The following PTPN14 variants were observed in gnomAD, a reference collection of about 807,000 sequenced individuals.
PTPN14 encodes tyrosine-protein phosphatase non-receptor type 14.
PTPN14 carries 53 observed loss-of-function variants against 126.8 expected under a neutral mutation model. The observed-to-expected ratio is 0.42, with a 90% CI of 0.34 to 0.53. The LOEUF (loss-of-function observed/expected upper bound fraction) is 0.53. Ranked by LOEUF, PTPN14 falls within the 20% of genes least tolerant of loss-of-function variation. The pLI is 0.08. For missense variants in PTPN14, 1,257 were observed against 1,552.9 expected (o/e 0.81, Z 3.20); for synonymous variants, 630 against 599.3 (o/e 1.05, Z -0.75).
At chr1:214,404,167 A>T (rs1170607329) in intron 5 of PTPN14, among the ~76,000 whole-genome samples, 1 of 152,232 alleles carries the variant, frequency 6.6e-6, no homozygotes, top group African/African-American at 2.4e-5. Flanking sequence ...TCCCATCTCA[A>T]ATCATTAAAA....
At chr1:214,391,406 T>C (rs1222779025) in intron 10 of PTPN14, among the ~76,000 whole-genome samples, 1 of 152,106 alleles carries the variant, frequency 6.6e-6, no homozygotes, top group Non-Finnish European at 1.5e-5. Flanking sequence ...GTAAAATCTT[T>C]CACAGTTTTT....
chr1:214,379,391 C>T (rs1658421573), intron 13 of PTPN14, among the ~76,000 whole-genome samples: 1 of 152,188 alleles, frequency 6.6e-6, no homozygotes, highest in African/African-American at 2.4e-5. Context: ...GACGCCCTTC[C>T]ATGTGTCTCC....
At chr1:214,375,173 A>G (rs1192341503) in intron 15 of PTPN14, among the ~76,000 whole-genome samples, 1 of 152,226 alleles carries the variant, frequency 6.6e-6, no homozygotes. Context: ...TAAAAATAGT[A>G]TATACCCAAC....
chr1:214,456,892 C>T (rs763559169), intron 2 of PTPN14, among the ~76,000 whole-genome samples: 1 of 152,128 alleles, frequency 6.6e-6, no homozygotes, highest in South Asian at 2.1e-4. Flanking sequence ...ACTCTTCAGT[C>T]GATTCTTAAT....
At chr1:214,498,536 C>A (rs1045823969) in intron 1 of PTPN14, among the ~76,000 whole-genome samples, 1 of 152,010 alleles carries the variant, frequency 6.6e-6, no homozygotes, top group Non-Finnish European at 1.5e-5. Flanking sequence ...CTTACCTAGC[C>A]TCCAAAAAGA....
At chr1:214,433,952 A>ACACACACACACACACACAC (rs1491336637) in intron 3 of PTPN14, among the ~76,000 whole-genome samples, 1 of 9,160 alleles carries the variant, frequency 1.1e-4, no homozygotes, top group Non-Finnish European at 2.6e-4. Context: ...ACACACACAC[A>ACACACACACACACACACAC]AAAAAAAAAA....
intron 1 of PTPN14, chr1:214,482,870 G>T (rs1661025259): frequency 6.9e-6 from 11 of 1,595,436 alleles, no homozygotes; most frequent in Non-Finnish European, 9.4e-6. Flanking sequence ...TATTTCTTGG[G>T]ATCTCAGGAA....
At chr1:214,536,938 G>A (rs77038240) in intron 1 of PTPN14, among the ~76,000 whole-genome samples, 8,923 of 152,106 alleles carry the variant, frequency 0.059, 889 homozygotes, top group African/African-American at 0.2. Context: ...TTGTGGCTAA[G>A]TTTATACCAA....
intron 16 of PTPN14, among the ~76,000 whole-genome samples, chr1:214,369,994 A>C (rs1658177895): frequency 1.3e-5 from 2 of 152,376 alleles, no homozygotes; most frequent in South Asian, 2.1e-4. Flanking sequence ...CAAGAAACAA[A>C]GGTCAGCCGG....
At chr1:214,363,581 G>T (rs2102508691) in intron 18 of PTPN14, among the ~76,000 whole-genome samples, 1 of 152,254 alleles carries the variant, frequency 6.6e-6, no homozygotes, top group East Asian at 1.9e-4. Flanking sequence ...AGTGAAGACA[G>T]GAAATAACTC....
chr1:214,533,836 CA>C (rs1453330162), intron 1 of PTPN14, among the ~76,000 whole-genome samples: 1 of 48,628 alleles, frequency 2.1e-5, no homozygotes, highest in Non-Finnish European at 3.7e-5. Flanking sequence ...GACTCCGTCT[CA>C]AAAAACAAAA....
At chr1:214,507,655 T>C (rs926615563) in intron 1 of PTPN14, among the ~76,000 whole-genome samples, 3 of 152,164 alleles carry the variant, frequency 2.0e-5, no homozygotes, top group Admixed American at 1.3e-4. Flanking sequence ...TCAATATCAA[T>C]TACAGGCATA....
intron 1 of PTPN14, among the ~76,000 whole-genome samples, chr1:214,549,156 A>G (rs994788771): frequency 2.0e-5 from 3 of 152,180 alleles, no homozygotes; most frequent in Admixed American, 1.3e-4. Context: ...GAGGTCACCA[A>G]AAGCTGGATG....
At chr1:214,531,508 A>T in intron 1 of PTPN14, 1 of 146,916 alleles carries the variant, frequency 6.8e-6, no homozygotes, top group Non-Finnish European at 1.5e-5. Context: ...TAACACACAC[A>T]CACACACACA....
chr1:214,447,668 G>A (rs1572005836), intron 3 of PTPN14, among the ~76,000 whole-genome samples: 1 of 151,990 alleles, frequency 6.6e-6, no homozygotes, highest in East Asian at 1.9e-4. Context: ...CCCCTTGGAG[G>A]CAACAAAAAT....
At position 214,350,707 on chromosome 1, in the gene PTPN14, A is replaced by ATTTTTTTTTTTTTTTTTTTT. The variant is rs56080046; in HGVS notation, c.*7195_*7214dup. 6.7e-5 allele frequency: 5 copies of ATTTTTTTTTTTTTTTTTTTT among 74,538 alleles called. No individual in the cohort carries two copies. The highest frequency in any genetic ancestry group is 9.2e-5 in the Non-Finnish European group (4 of 43,630). 4.6% of individuals were successfully genotyped at this position (74,538 alleles called of 1,614,324 possible). ...AGGCATGTGCCACCATGCCTGGCTA[A>ATTTTTTTTTTTTTTTTTTTT]TTTTTTTTTTTTTTTTTTTTTTTGT... On this transcript the variant is annotated 3_prime_UTR_variant, in exon 19 of 19. Coordinates refer to ENST00000366956, the MANE Select transcript of PTPN14 (RefSeq NM_005401.5).
chr1:214,457,977 A>G (rs1660418776), intron 2 of PTPN14, among the ~76,000 whole-genome samples: 2 of 151,912 alleles, frequency 1.3e-5, no homozygotes, highest in South Asian at 4.1e-4. Flanking sequence ...TTAACTCAAT[A>G]TAAGATCACA....
chr1:214,480,912 G>A (rs1190844938), intron 1 of PTPN14, among the ~76,000 whole-genome samples: 2 of 152,160 alleles, frequency 1.3e-5, no homozygotes, highest in East Asian at 1.9e-4. Flanking sequence ...GAATAGAGCA[G>A]CAGATATGCT....
intron 1 of PTPN14, chr1:214,532,980 C>T (rs1226624440): frequency 6.5e-6 from 5 of 766,918 alleles, no homozygotes; most frequent in Non-Finnish European, 9.4e-6. Context: ...AGGAGCTGGA[C>T]AAGTGCTGGT....
Sources: gnomAD v4.1 joint callset for allele counts (sites outside exome capture counted in the v4.1 genomes callset) on GRCh38, gnomAD v4.1.1 for gene constraint, MANE v1.5 for transcripts, NCBI Gene and HGNC (gene_info 2026-07-23, HGNC 2026-07-21) for gene names.